The following NRG1 variants were observed in gnomAD, a reference collection of about 807,000 sequenced individuals.
The protein encoded by NRG1 is pro-neuregulin-1, membrane-bound isoform.
A neutral mutation model predicts 63.8 loss-of-function variants in NRG1; 18 were observed. That is an observed-to-expected ratio of 0.28 (90% CI 0.19 to 0.42). The LOEUF (loss-of-function observed/expected upper bound fraction) is 0.42. Among genes scored for constraint, NRG1 ranks in the 10% least tolerant of loss-of-function variants. The pLI is 1.00. For missense variants in NRG1, 762 were observed against 814.7 expected (o/e 0.94, Z 0.79); for synonymous variants, 302 against 301.3 (o/e 1.00, Z -0.02).
At chr8:31,731,169 A>T (rs1236946055) in intron 1 of NRG1, among the ~76,000 whole-genome samples, 1 of 152,266 alleles carries the variant, frequency 6.6e-6, no homozygotes, top group East Asian at 1.9e-4. Context: ...AAATGTTCAT[A>T]TAAAACTCAC....
chr8:31,676,473 C>T (rs1807712394), intron 1 of NRG1, among the ~76,000 whole-genome samples: 1 of 152,146 alleles, frequency 6.6e-6, no homozygotes, highest in Non-Finnish European at 1.5e-5. Context: ...CCATTTCATT[C>T]CCTATGGCTT....
At chr8:32,244,976 C>T (rs553470809) in intron 1 of NRG1, among the ~76,000 whole-genome samples, 3 of 152,188 alleles carry the variant, frequency 2.0e-5, no homozygotes, top group African/African-American at 7.2e-5. Context: ...TACACAGTAC[C>T]GTTCGTTGAG....
intron 1 of NRG1, among the ~76,000 whole-genome samples, chr8:32,501,943 A>G (rs1318395679): frequency 6.6e-6 from 1 of 152,212 alleles, no homozygotes; most frequent in Non-Finnish European, 1.5e-5. Flanking sequence ...CCTAGGCAAT[A>G]TAGTGAGACC....
In NRG1 at chr8:32,706,391, C is replaced by A. The variant is rs1816415952; in HGVS notation, c.503-21558C>A. 3.9e-5 allele frequency among the ~76,000 whole-genome samples: 6 copies of A among 152,246 alleles called. No homozygotes were observed. The South Asian group carries it at 1.2e-3, about 32-fold the overall frequency. ...CTGAGTAGGCAAACAAGAAAGAATG[C>A]ATACAGTTTTATCAATTTATCTGAG... On this transcript the variant is annotated intron_variant, in intron 5 of 11. Coordinates refer to ENST00000356819, the Ensembl canonical transcript of NRG1.
intron 1 of NRG1, among the ~76,000 whole-genome samples, chr8:32,236,585 C>T (rs1411098564): frequency 6.6e-6 from 1 of 152,132 alleles, no homozygotes; most frequent in African/African-American, 2.4e-5. Flanking sequence ...ATTAGATCAT[C>T]AGTTCACTTT....
At chr8:31,736,527 G>A (rs982275076) in intron 1 of NRG1, among the ~76,000 whole-genome samples, 1 of 152,066 alleles carries the variant, frequency 6.6e-6, no homozygotes, top group Non-Finnish European at 1.5e-5. Flanking sequence ...TAATTGGGTA[G>A]TAGACCCAAT....
At chr8:31,786,820 C>G (rs923418670) in intron 1 of NRG1, among the ~76,000 whole-genome samples, 9 of 152,118 alleles carry the variant, frequency 5.9e-5, no homozygotes, top group African/African-American at 1.4e-4. Flanking sequence ...CCAGGAAACT[C>G]TGTATATTCT....
chr8:32,662,738 TG>T (rs1803174993), intron 5 of NRG1, among the ~76,000 whole-genome samples: 1 of 152,162 alleles, frequency 6.6e-6, no homozygotes, highest in African/African-American at 2.4e-5. Context: ...ATATGGGATT[TG>T]AGTGAGAGGA....
intron 1 of NRG1, among the ~76,000 whole-genome samples, chr8:32,514,263 C>T (rs575713574): frequency 6.6e-6 from 1 of 152,174 alleles, no homozygotes; most frequent in African/African-American, 2.4e-5. Flanking sequence ...AATGCAGTTA[C>T]ATTTGGTTTC....
chr8:32,438,502 A>G (rs1819072820), intron 1 of NRG1, among the ~76,000 whole-genome samples: 1 of 152,186 alleles, frequency 6.6e-6, no homozygotes, highest in African/African-American at 2.4e-5. Flanking sequence ...TCATACACAG[A>G]TTTTTGTGTA....
intron 1 of NRG1, among the ~76,000 whole-genome samples, chr8:32,561,972 G>C: frequency 6.6e-6 from 1 of 152,116 alleles, no homozygotes; most frequent in African/African-American, 2.4e-5. Flanking sequence ...AAGACTCAAA[G>C]TATTGTGGTT....
chr8:32,196,568 G>T (rs966739566), intron 1 of NRG1, among the ~76,000 whole-genome samples: 1 of 152,194 alleles, frequency 6.6e-6, no homozygotes, highest in Non-Finnish European at 1.5e-5. Context: ...AGCCAAAGCA[G>T]AAATATTTCC....
chr8:32,026,398 G>A (rs1365222457), intron 1 of NRG1: 1 of 152,072 alleles, frequency 6.6e-6, no homozygotes, highest in East Asian at 1.9e-4. Context: ...TTTCCCCCAA[G>A]AAGGGCTTAC....
chr8:32,340,319 C>T (rs530257810), intron 1 of NRG1, among the ~76,000 whole-genome samples: 1 of 152,242 alleles, frequency 6.6e-6, no homozygotes, highest in African/African-American at 2.4e-5. Flanking sequence ...CAATTCTGGC[C>T]TAATTCAACC....
At chr8:32,030,956 G>C (rs1563700676) in intron 1 of NRG1, among the ~76,000 whole-genome samples, 1 of 152,110 alleles carries the variant, frequency 6.6e-6, no homozygotes. Flanking sequence ...TACTTCCCCA[G>C]GTCAACTCAT....
intron 1 of NRG1, among the ~76,000 whole-genome samples, chr8:31,649,696 A>G (rs942759581): frequency 1.3e-5 from 2 of 152,232 alleles, no homozygotes; most frequent in African/African-American, 2.4e-5. Context: ...AAGCTTAGAA[A>G]TAAAAACAAT....
intron 1 of NRG1, among the ~76,000 whole-genome samples, chr8:31,807,977 A>G (rs1332564723): frequency 7.4e-6 from 1 of 134,988 alleles, no homozygotes; most frequent in Non-Finnish European, 1.6e-5. Flanking sequence ...GTGTGTGTGT[A>G]TCACATTTTC....
chr8:32,099,170 T>G (rs1169875547), intron 1 of NRG1, among the ~76,000 whole-genome samples: 1 of 152,158 alleles, frequency 6.6e-6, no homozygotes, highest in Non-Finnish European at 1.5e-5. Context: ...GCGCTTGTGC[T>G]GGGGAGGGCT....
intron 1 of NRG1, among the ~76,000 whole-genome samples, chr8:31,818,046 T>C (rs1823623946): frequency 6.6e-6 from 1 of 152,248 alleles, no homozygotes; most frequent in Non-Finnish European, 1.5e-5. Flanking sequence ...CTGTTGCTAC[T>C]TTTGTGCCAG....
Sources: allele counts gnomAD v4.1 joint callset (sites outside exome capture counted in the v4.1 genomes callset), GRCh38; gene constraint gnomAD v4.1.1; transcripts MANE v1.5; gene names NCBI Gene and HGNC (gene_info 2026-07-23, HGNC 2026-07-21).